Variants in GEMIN8 observed in about 807,000 individuals in gnomAD.
The protein encoded by GEMIN8 is gem-associated protein 8.
For synonymous variants in GEMIN8, 80 were observed against 78.5 expected (o/e 1.02, Z -0.10); for missense variants, 185 against 205.9 (o/e 0.90, Z 0.62).
At chrX:14,022,882 G>A (rs1409005832) in intron 2 of GEMIN8, among the ~76,000 whole-genome samples, 1 of 112,159 alleles carries the variant, frequency 8.9e-6, no homozygotes, top group Non-Finnish European at 1.9e-5. Flanking sequence ...CAGATGTTTT[G>A]CTATGGTTAT....
chrX:14,016,482 A>G (rs1923904747), intron 4 of GEMIN8, among the ~76,000 whole-genome samples: 2 of 111,245 alleles, frequency 1.8e-5, no homozygotes, highest in African/African-American at 6.5e-5. Context: ...AATCAGTTTA[A>G]AAGTTTGAAA....
the GEMIN8 span, among the ~76,000 whole-genome samples, chrX:13,988,140 A>C: frequency 9.0e-6 from 1 of 110,767 alleles, no homozygotes; most frequent in South Asian, 3.9e-4. Flanking sequence ...GACAGCCAAT[A>C]GTGTCTGCCA....
At chrX:13,990,920 C>T in the GEMIN8 span, among the ~76,000 whole-genome samples, 2 of 111,843 alleles carry the variant, frequency 1.8e-5, no homozygotes, top group East Asian at 2.8e-4. Flanking sequence ...TTTGTAGAGA[C>T]GTGGTCTCAC....
rs199833096 is a variant in GEMIN8 at position 14,012,857 on chromosome X, T to TGG, written c.473-3690_473-3689dup. 1.7e-3 allele frequency among the ~76,000 whole-genome samples: 181 copies of TGG among 107,474 alleles called. 1 individual carries two copies. The highest frequency in any genetic ancestry group is 6.1e-3 in the South Asian group (15 of 2,454). 93.3% of individuals were successfully genotyped at this position (107,474 alleles called of 115,157 possible). On this transcript the variant is annotated intron_variant, in intron 4 of 4. Coordinates refer to ENST00000680255, the MANE Select transcript of GEMIN8 (RefSeq NM_001042479.2). ...CAGAGCCTCCCAGGCAGAGGGGCTA[T>TGG]GGGGGGGGGCACCAATGAGTTGGGG...
Position 14,017,463 on chromosome X carries a change from G to A in GEMIN8, c.472+2615C>T, listed in dbSNP as rs181858779. Among the ~76,000 whole-genome samples, 7 of 112,173 alleles carry A rather than the reference G, an allele frequency of 6.2e-5. No individual in the cohort carries two copies. The Admixed American group carries it at 6.6e-4, about 11-fold the overall frequency. On this transcript the variant is annotated intron_variant, in intron 4 of 4. Coordinates refer to ENST00000680255, the MANE Select transcript of GEMIN8 (RefSeq NM_001042479.2). ...GTCCCAGTCACAGATTGCATTTGGGGACAAAGAAAATTCTCCCAGGGTGAT... is the reference window on the plus strand; with the variant it reads ...GTCCCAGTCACAGATTGCATTTGGGAACAAAGAAAATTCTCCCAGGGTGAT...
rs771422541 is a variant in GEMIN8 at position 14,023,580 on chromosome X, A to G, written c.-33-2069T>C. On this transcript the variant is annotated intron_variant, in intron 2 of 4. Coordinates refer to ENST00000680255, the MANE Select transcript of GEMIN8 (RefSeq NM_001042479.2). Reference sequence around the variant, plus strand: ...TTTTTAGTAGAGATGGGGTTTCACTATGTTGGCCAGGCTGGTCGAAACTCC... The same window carrying G: ...TTTTTAGTAGAGATGGGGTTTCACTGTGTTGGCCAGGCTGGTCGAAACTCC... Among the ~76,000 whole-genome samples, 19 of 110,907 alleles carry G rather than the reference A, an allele frequency of 1.7e-4. No individual in the cohort carries two copies. In the South Asian group the frequency reaches 4.2e-3, roughly 24 times the overall value.
downstream of GEMIN8, among the ~76,000 whole-genome samples, chrX:14,001,835 AT>A (rs770347041): frequency 4.2e-4 from 43 of 102,334 alleles, no homozygotes; most frequent in African/African-American, 1.5e-3. Context: ...TTAAAAGTCC[AT>A]TTGTGGCCTG....
the GEMIN8 span, among the ~76,000 whole-genome samples, chrX:13,989,982 C>T: frequency 4.3e-3 from 486 of 112,662 alleles, 5 homozygotes; most frequent in Middle Eastern, 0.041. Context: ...CCAGTACTGT[C>T]CAATAGAGCC....
At chrX:14,003,781 T>TA (rs1923050133), downstream of GEMIN8, among the ~76,000 whole-genome samples, 1 of 112,427 alleles carries the variant, frequency 8.9e-6, no homozygotes, top group South Asian at 3.7e-4. Context: ...TTGTCATAGA[T>TA]AGATTGCTAA....
chrX:13,998,384 T>C, the GEMIN8 span, among the ~76,000 whole-genome samples: 1 of 110,161 alleles, frequency 9.1e-6, no homozygotes, highest in African/African-American at 3.3e-5. Context: ...TCCTCCTTGC[T>C]GGTCTTGTGA....
intron 1 of GEMIN8, among the ~76,000 whole-genome samples, chrX:14,027,315 C>A (rs1436182550): frequency 8.9e-6 from 1 of 112,730 alleles, no homozygotes; most frequent in Non-Finnish European, 1.9e-5. Context: ...CTCATGGCCT[C>A]CCTCCTGTGT....
chrX:13,994,443 C>T, the GEMIN8 span, among the ~76,000 whole-genome samples: 2 of 112,345 alleles, frequency 1.8e-5, no homozygotes, highest in African/African-American at 6.5e-5. Flanking sequence ...ACCAAAGTCT[C>T]TACTACCTTT....
the GEMIN8 span, among the ~76,000 whole-genome samples, chrX:13,994,488 A>T: frequency 8.9e-6 from 1 of 112,259 alleles, no homozygotes; most frequent in Non-Finnish European, 1.9e-5. Flanking sequence ...TACTTTAAAA[A>T]TTTTTTACTA....
chrX:14,010,253 A>G (rs1923446190), intron 4 of GEMIN8, among the ~76,000 whole-genome samples: 1 of 112,286 alleles, frequency 8.9e-6, no homozygotes, highest in African/African-American at 3.2e-5. Context: ...TTACTATGGC[A>G]AGTCCCAATA....
intron 4 of GEMIN8, among the ~76,000 whole-genome samples, chrX:14,015,803 G>A (rs1197155372): frequency 8.9e-6 from 1 of 112,067 alleles, no homozygotes; most frequent in Non-Finnish European, 1.9e-5. Flanking sequence ...GGTTTTGAGA[G>A]CAAAATGAAA....
chrX:14,012,627 C>T (rs981166873), intron 4 of GEMIN8, among the ~76,000 whole-genome samples: 6 of 111,966 alleles, frequency 5.4e-5, no homozygotes, highest in Non-Finnish European at 1.9e-5. Context: ...ACCCCCAGAC[C>T]TGAGAGGACA....
chrX:13,990,779 C>G, the GEMIN8 span, among the ~76,000 whole-genome samples: 1 of 112,431 alleles, frequency 8.9e-6, no homozygotes, highest in African/African-American at 3.2e-5. Flanking sequence ...GAGTCCAGAG[C>G]TGGAGTGCAG....
chrX:13,986,846 A>G, the GEMIN8 span, among the ~76,000 whole-genome samples: 2 of 112,322 alleles, frequency 1.8e-5, no homozygotes, highest in Non-Finnish European at 3.8e-5. Context: ...TGTACCTTCC[A>G]TATGTTGTTC....
At chrX:13,985,965 C>T in the GEMIN8 span, among the ~76,000 whole-genome samples, 1 of 111,139 alleles carries the variant, frequency 9.0e-6, no homozygotes, top group African/African-American at 3.3e-5. Flanking sequence ...TATCAAGTTT[C>T]TTTTTTACTT....
Sources: allele counts gnomAD v4.1 joint callset (sites outside exome capture counted in the v4.1 genomes callset), GRCh38; gene constraint gnomAD v4.1.1; transcripts MANE v1.5; gene names NCBI Gene and HGNC (gene_info 2026-07-23, HGNC 2026-07-21).